SMARCAL1: variants seen among roughly 807,000 people sequenced by gnomAD.
SMARCAL1 encodes SNF2 related chromatin remodeling annealing helicase 1.
Under a neutral mutation model 94.5 loss-of-function variants are expected in SMARCAL1, and 58 were observed. That is an observed-to-expected ratio of 0.61 (90% confidence interval 0.50 to 0.76). The LOEUF (loss-of-function observed/expected upper bound fraction) is 0.76, where lower values mean the gene tolerates loss of function less well. Ranked by LOEUF, SMARCAL1 falls within the 30% of genes least tolerant of loss-of-function variation. The pLI is 0.00. For missense variants in SMARCAL1, 1,051 were observed against 1,177.9 expected (o/e 0.89, Z 1.58); for synonymous variants, 422 against 455.1 (o/e 0.93, Z 0.93).
In SMARCAL1 at chr2:216,475,675, C is replaced by T. The variant is rs999832395; in HGVS notation, c.2427+224C>T. On this transcript the variant is annotated intron_variant, in intron 15 of 17. Transcript: ENST00000357276. The surrounding 1 kb of genome is among the most constrained non-coding windows in gnomAD (Gnocchi z 4.4). ...TATCACCCAGGCTGGAGTGCAGTGG[C>T]ATGATCTTGGCTCACTGCAACCTCC... 6.6e-6 allele frequency among the ~76,000 whole-genome samples: 1 copy of T among 152,010 alleles called. No homozygotes were observed. The highest frequency in any genetic ancestry group is 2.4e-5 in the African/African-American group (1 of 41,356).
At chr2:216,439,551 A>G (rs1392834040) in intron 10 of SMARCAL1, among the ~76,000 whole-genome samples, 1 of 152,216 alleles carries the variant, frequency 6.6e-6, no homozygotes, top group Non-Finnish European at 1.5e-5. Context: ...TATTGATTAA[A>G]AGAAGCTTTA....
At chr2:216,426,620 G>A (rs1053935720) in intron 6 of SMARCAL1, among the ~76,000 whole-genome samples, 3 of 152,206 alleles carry the variant, frequency 2.0e-5, no homozygotes, top group African/African-American at 7.2e-5. Flanking sequence ...TGGGAGCATT[G>A]CAAGGTTACA....
In SMARCAL1 at chr2:216,415,165, T is replaced by G; in HGVS notation, c.461T>G (p.Ile154Ser). 3.1e-6 allele frequency: 5 copies of G among 1,612,784 alleles called. No homozygotes were observed. Among genetic ancestry groups the G allele is most frequent in the Non-Finnish European group, 3.4e-6 (4 of 1,179,102 alleles). ...GQGHAQASPEIRFTPFANPTH... is the reference protein window; with the variant it reads ...GQGHAQASPESRFTPFANPTH... ...GGTCATGCTCAGGCTTCACCTGAGA[T>G]CAGGTTCACACCCTTTGCTAACCCA... The change falls in exon 3 of 18, where the codon ATC becomes AGC. Residue 154 changes from isoleucine (I) to serine (S), a missense_variant. This residue lies in a region of SMARCAL1 where 398 missense variants were observed against 395.2 expected (regional missense o/e 1.01). Transcript: ENST00000357276.
At chr2:216,472,129 C>T (rs1694980238) in intron 14 of SMARCAL1, among the ~76,000 whole-genome samples, 1 of 152,094 alleles carries the variant, frequency 6.6e-6, no homozygotes, top group African/African-American at 2.4e-5. Flanking sequence ...CTGAGGCAGG[C>T]AGATCACCCG....
intron 5 of SMARCAL1, 29 bp from the exon 6 acceptor site, chr2:216,423,601 CCTA>C (rs1285354747): frequency 6.3e-7 from 1 of 1,585,986 alleles, no homozygotes; most frequent in South Asian, 1.1e-5. Flanking sequence ...GGCAGGGTGT[CCTA>C]TTTGCTTATT....
intron 13 of SMARCAL1, among the ~76,000 whole-genome samples, chr2:216,466,749 G>A (rs980368658): frequency 1.6e-4 from 24 of 152,128 alleles, no homozygotes; most frequent in African/African-American, 5.6e-4. Context: ...ACTTTTTGAT[G>A]CTGTAGCCGT....
rs745619672 is a variant in SMARCAL1 at position 216,475,739 on chromosome 2, C to G, written c.2427+288C>G. ...AAGCGATTCCCCTGCCTCAGCCTCC[C>G]GAGTAGCTAGGATTACAGGTGTGAG... On this transcript the variant is annotated intron_variant, in intron 15 of 17. Coordinates refer to ENST00000357276, the MANE Select transcript of SMARCAL1 (RefSeq NM_014140.4). This position sits in a 1 kb window ranked among gnomAD's most constrained non-coding sequence, Gnocchi z 4.4. Among the ~76,000 whole-genome samples the G allele has an allele frequency of 6.6e-6, 1 of 152,000 alleles. No individual in the cohort carries two copies. Among genetic ancestry groups the G allele is most frequent in the Non-Finnish European group, 1.5e-5 (1 of 68,004 alleles).
intron 12 of SMARCAL1, among the ~76,000 whole-genome samples, chr2:216,459,517 C>G (rs1244511738): frequency 6.6e-6 from 1 of 152,188 alleles, no homozygotes; most frequent in Non-Finnish European, 1.5e-5. Context: ...ACAGAGCCCT[C>G]AGAAACAATA....
chr2:216,480,234 G>A (rs1695166878), intron 17 of SMARCAL1, among the ~76,000 whole-genome samples: 2 of 152,050 alleles, frequency 1.3e-5, no homozygotes, highest in Non-Finnish European at 1.5e-5. Flanking sequence ...TTTTAATTAA[G>A]ATGGGGCTGA....
intron 11 of SMARCAL1, among the ~76,000 whole-genome samples, chr2:216,450,086 G>C (rs1462800104): frequency 1.3e-5 from 2 of 152,170 alleles, no homozygotes; most frequent in African/African-American, 2.4e-5. Flanking sequence ...CTGACCTCAA[G>C]TGATCCTCCT....
chr2:216,413,316 A>T lies in SMARCAL1; in HGVS notation c.-95-540A>T, dbSNP rs190925440. Among the ~76,000 whole-genome samples, 257 of 152,342 alleles carry T rather than the reference A, an allele frequency of 1.7e-3. 2 individuals are homozygous for T. Among genetic ancestry groups the T allele is most frequent in the Admixed American group, 3.0e-3 (46 of 15,310 alleles). On this transcript the variant is annotated intron_variant, in intron 1 of 17. Transcript: ENST00000357276. ...ATTAGATGCAGCCTATTTAGTCTGA[A>T]CCAAGCCAGACAAATTGGTGTGTCC...
rs78479014 is a variant in SMARCAL1 at position 216,452,589 on chromosome 2, G to A, written c.2070+1525G>A. ...CAGAGAACACCCTCACCAATACCTG[G>A]TTCACCTCCTGAACCAGTTTGAGAA... On this transcript the variant is annotated intron_variant, in intron 12 of 17. Coordinates refer to ENST00000357276, the MANE Select transcript of SMARCAL1 (RefSeq NM_014140.4). Among the ~76,000 whole-genome samples the A allele has an allele frequency of 3.1e-3, 458 of 148,224 alleles. 12 individuals carry two copies. Among genetic ancestry groups the A allele is most frequent in the East Asian group, 0.023 (120 of 5,176 alleles).
rs1444531408 is a variant in SMARCAL1, at chr2:216,428,762, C to T, written c.1314C>T (p.Pro438=). ...VDPKLVSNLM[P]FQRAGVNFAI... The stretch of plus-strand genomic sequence containing the variant: ...CCAAGCTCGTGTCTAATCTGATGCC[C>T]TTTCAGAGAGCTGGAGTCAAGTAGG... Residue 438 remains proline (P), a synonymous_variant, in exon 7 of 18, where the codon CCC becomes CCT. Transcript: ENST00000357276. 3 of 1,614,202 alleles carry T rather than the reference C, an allele frequency of 1.9e-6. No homozygotes were observed. The highest frequency in any genetic ancestry group is 2.2e-5 in the East Asian group (1 of 44,894).
intron 10 of SMARCAL1, among the ~76,000 whole-genome samples, chr2:216,444,404 A>G (rs1191229528): frequency 3.9e-5 from 6 of 152,128 alleles, no homozygotes; most frequent in Non-Finnish European, 7.4e-5. Flanking sequence ...AAAAAAAAAG[A>G]GATCACATAA....
chr2:216,477,313 T>C, intron 16 of SMARCAL1, 104 bp downstream of exon 16: 1 of 840,196 alleles, frequency 1.2e-6, no homozygotes, highest in South Asian at 1.4e-5. Context: ...CTAAGTAAGG[T>C]CTTTAAGGAT....
intron 12 of SMARCAL1, among the ~76,000 whole-genome samples, chr2:216,464,350 G>A (rs1315537467): frequency 1.3e-5 from 2 of 152,158 alleles, no homozygotes; most frequent in Non-Finnish European, 2.9e-5. Flanking sequence ...CTTGCCTCTT[G>A]GATTCTTGCA....
chr2:216,475,365 G>A lies in SMARCAL1; in HGVS notation c.2341G>A (p.Val781Met), dbSNP rs745349150. 20 of 1,614,076 alleles carry A rather than the reference G, an allele frequency of 1.2e-5. No homozygotes were observed. The highest frequency in any genetic ancestry group is 1.6e-4 in the Middle Eastern group (1 of 6,084). Reference protein sequence around the residue: ...FQLSERHAVAVLSITAANMGL... With the variant: ...FQLSERHAVAMLSITAANMGL... ...ACTGTCGGAGAGGCATGCTGTGGCCGTGCTGTCCATCACCGCTGCCAATAT... is the reference window on the plus strand; with the variant it reads ...ACTGTCGGAGAGGCATGCTGTGGCCATGCTGTCCATCACCGCTGCCAATAT... Residue 781 changes from valine to methionine, a missense_variant, in exon 15 of 18, where the codon GTG becomes ATG. Physicochemically the swap from Val to Met is conservative, Grantham distance 21 (BLOSUM62 1). Coordinates refer to ENST00000357276, the MANE Select transcript of SMARCAL1 (RefSeq NM_014140.4). The surrounding 1 kb of genome is among the most constrained non-coding windows in gnomAD (Gnocchi z 4.4).
At chr2:216,417,137 A>G (rs1693619984) in intron 4 of SMARCAL1, among the ~76,000 whole-genome samples, 1 of 152,200 alleles carries the variant, frequency 6.6e-6, no homozygotes, top group Non-Finnish European at 1.5e-5. Context: ...GATTTGGGGT[A>G]TGAGGTAGGA....
rs897856431 is a variant in SMARCAL1 at position 216,475,247 on chromosome 2, C to T, written c.2245-22C>T. 3.1e-6 allele frequency: 5 copies of T among 1,613,788 alleles called. No individual in the cohort carries two copies. Among genetic ancestry groups the T allele is most frequent in the Non-Finnish European group, 4.2e-6 (5 of 1,179,956 alleles). On this transcript the variant is annotated intron_variant, in intron 14 of 17. Transcript: ENST00000357276. This position sits in a 1 kb window ranked among gnomAD's most constrained non-coding sequence, Gnocchi z 4.4. Reference sequence around the variant, plus strand: ...GCCCCCGGGGCTGTTGCCCACCTTGCTTCTGCCCCTTGTTCCTGCAGCACG... The same window carrying T: ...GCCCCCGGGGCTGTTGCCCACCTTGTTTCTGCCCCTTGTTCCTGCAGCACG...
Sources: gnomAD v4.1 joint callset for allele counts (sites outside exome capture counted in the v4.1 genomes callset) on GRCh38, gnomAD v4.1.1 for gene constraint, gnomAD v4.1.1 regional missense constraint, Gnocchi (gnomAD v3.1) non-coding constraint, MANE v1.5 for transcripts, NCBI Gene and HGNC (gene_info 2026-07-23, HGNC 2026-07-21) for gene names.